Variants in C8orf74 observed in about 807,000 individuals in gnomAD.
The protein encoded by C8orf74 is uncharacterized protein C8orf74.
In C8orf74, 29 loss-of-function variants were observed where a neutral mutation model predicts 22.2. The observed-to-expected ratio is 1.31, with a 90% CI of 0.97 to 1.78. The LOEUF is 1.78. Ranked by LOEUF, C8orf74 falls within the 40% of genes most tolerant of loss-of-function variation. The pLI is 0.00. For missense variants in C8orf74, 515 were observed against 369.9 expected (o/e 1.39, Z -3.22); for synonymous variants, 255 against 163.1 (o/e 1.56, Z -4.30).
At chr8:10,684,067 G>A (rs1220610498) in intron 2 of C8orf74, among the ~76,000 whole-genome samples, 1 of 152,174 alleles carries the variant, frequency 6.6e-6, no homozygotes, top group Non-Finnish European at 1.5e-5. Flanking sequence ...GGAGGACCAG[G>A]GAAGGGGATG....
At chr8:10,680,483 C>T (rs893585751) in intron 2 of C8orf74, among the ~76,000 whole-genome samples, 1 of 152,206 alleles carries the variant, frequency 6.6e-6, no homozygotes, top group Non-Finnish European at 1.5e-5. Flanking sequence ...ATGTCCAAGA[C>T]TCATCAAACA....
chr8:10,683,725 A>G (rs560117543), intron 2 of C8orf74, among the ~76,000 whole-genome samples: 14 of 152,304 alleles, frequency 9.2e-5, no homozygotes, highest in African/African-American at 3.1e-4. Flanking sequence ...CCCAGAGGTC[A>G]CTGGATCCAA....
At chr8:10,685,843 G>C (rs571051437) in intron 2 of C8orf74, among the ~76,000 whole-genome samples, 1 of 152,232 alleles carries the variant, frequency 6.6e-6, no homozygotes, top group African/African-American at 2.4e-5. Context: ...GCTGAGGCAG[G>C]TGGATCACGA....
intron 2 of C8orf74, chr8:10,690,980 G>A (rs1006382960): frequency 1.5e-5 from 7 of 453,902 alleles, no homozygotes; most frequent in Non-Finnish European, 2.2e-5. Context: ...AGATCTGTCC[G>A]CCCGGCAGCC....
At chr8:10,689,265 C>T (rs1799324878) in intron 2 of C8orf74, 1 of 152,224 alleles carries the variant, frequency 6.6e-6, no homozygotes, top group Non-Finnish European at 1.5e-5. Context: ...CAAGTCTCAT[C>T]CTTTTTCTGG....
chr8:10,682,647 C>G (rs1020593350), intron 2 of C8orf74, among the ~76,000 whole-genome samples: 5 of 152,176 alleles, frequency 3.3e-5, no homozygotes, highest in East Asian at 3.9e-4. Flanking sequence ...CTATAAAGAC[C>G]CTCTTTCCAA....
rs929882985 is a variant in C8orf74, at chr8:10,697,744, G to A, written c.387G>A (p.Leu129=). 1.1e-5 allele frequency: 18 copies of A among 1,613,926 alleles called. 1 individual carries two copies. Among genetic ancestry groups the A allele is most frequent in the South Asian group, 3.3e-5 (3 of 91,092 alleles). ...ACTACAAACTCTACCAGTATGTCCT[G>A]GGCCAGGACCAGCAGGTCGACCTGA... ...IRHYKLYQYV[L]GQDQQVDLTV... is the part of the protein sequence containing the mutation. Residue 129 remains leucine, a synonymous_variant, in exon 3 of 4, where the codon CTG becomes CTA. Coordinates refer to ENST00000304519, the MANE Select transcript of C8orf74 (RefSeq NM_001040032.2).
chr8:10,674,852 A>G lies in C8orf74; in HGVS notation c.241+14A>G. 6.3e-7 allele frequency: 1 copy of G among 1,575,136 alleles called. No homozygotes were observed. Among genetic ancestry groups the G allele is most frequent in the South Asian group, 1.2e-5 (1 of 85,626 alleles). ...GGGAAACCAAAGGTATGGTGTGTCC[A>G]GGGCAGGAGTCAGCAGAGGCTGGCG... On this transcript the variant is annotated intron_variant, in intron 2 of 3. Transcript: ENST00000304519.
intron 2 of C8orf74, among the ~76,000 whole-genome samples, chr8:10,676,052 G>A (rs1446979464): frequency 1.3e-5 from 2 of 152,166 alleles, no homozygotes; most frequent in Non-Finnish European, 2.9e-5. Context: ...GGAGATACAC[G>A]TGAAAGGATG....
At chr8:10,697,112 C>T (rs1176291266) in intron 2 of C8orf74, among the ~76,000 whole-genome samples, 3 of 152,030 alleles carry the variant, frequency 2.0e-5, no homozygotes, top group African/African-American at 4.8e-5. Flanking sequence ...GTGGTACACT[C>T]GATACCTTTC....
chr8:10,683,269 G>A (rs753902453), intron 2 of C8orf74, among the ~76,000 whole-genome samples: 6 of 152,244 alleles, frequency 3.9e-5, no homozygotes, highest in Admixed American at 1.3e-4. Context: ...AGGATGGTAC[G>A]TGGCCCAGGC....
At chr8:10,681,856 G>A (rs577116651) in intron 2 of C8orf74, among the ~76,000 whole-genome samples, 13 of 152,292 alleles carry the variant, frequency 8.5e-5, no homozygotes, top group East Asian at 1.9e-4. Context: ...GGTGAAGAGC[G>A]TCATGGTCCT....
At chr8:10,694,943 C>G (rs59455190) in intron 2 of C8orf74, among the ~76,000 whole-genome samples, 25,353 of 150,104 alleles carry the variant, frequency 0.17, 6,180 homozygotes, top group African/African-American at 0.54. Flanking sequence ...TGGTTGGGTG[C>G]ATAGATGGGT....
intron 2 of C8orf74, among the ~76,000 whole-genome samples, chr8:10,678,697 C>A (rs1489233503): frequency 6.6e-6 from 1 of 152,146 alleles, no homozygotes. Flanking sequence ...GTGACTGACC[C>A]ACCAGGAGAG....
intron 2 of C8orf74, among the ~76,000 whole-genome samples, chr8:10,688,065 C>G (rs552091280): frequency 3.0e-4 from 46 of 152,006 alleles, no homozygotes; most frequent in African/African-American, 1.0e-3. Context: ...ATTAGCCAGG[C>G]GTGGTAGTGT....
chr8:10,673,235 G>A (rs1171218976), intron 1 of C8orf74, among the ~76,000 whole-genome samples: 1 of 152,112 alleles, frequency 6.6e-6, no homozygotes, highest in Non-Finnish European at 1.5e-5. Context: ...TGCGTGTGGT[G>A]GGTGGGTCTC....
chr8:10,693,913 C>G (rs1799435989), intron 2 of C8orf74, among the ~76,000 whole-genome samples: 1 of 152,248 alleles, frequency 6.6e-6, no homozygotes, highest in South Asian at 2.1e-4. Flanking sequence ...CCTCTCCATG[C>G]AGCTCTTGCC....
chr8:10,697,056 G>C (rs1317445130), intron 2 of C8orf74, among the ~76,000 whole-genome samples: 4 of 151,752 alleles, frequency 2.6e-5, no homozygotes, highest in Admixed American at 6.6e-5. Context: ...AATCATATAA[G>C]AAATAAATGG....
chr8:10,674,715 C>A lies in C8orf74; in HGVS notation c.118C>A (p.Arg40=). 1 of 1,608,754 alleles carries A rather than the reference C, an allele frequency of 6.2e-7. No homozygotes were observed. Among genetic ancestry groups the A allele is most frequent in the Non-Finnish European group, 8.5e-7 (1 of 1,177,654 alleles). Residue 40 remains arginine (R), a synonymous_variant, in exon 2 of 4, where the codon CGG becomes AGG. Coordinates refer to ENST00000304519, the MANE Select transcript of C8orf74 (RefSeq NM_001040032.2). ...GGAGTTTGACGAACAGAGAGACTCC[C>A]GGAGGAGCATCCTGCTGGACACCCT... ...WEEFDEQRDS[R]RSILLDTLYE...
Sources: gnomAD v4.1 joint callset for allele counts (sites outside exome capture counted in the v4.1 genomes callset) on GRCh38, gnomAD v4.1.1 for gene constraint, MANE v1.5 for transcripts, NCBI Gene and HGNC (gene_info 2026-07-23, HGNC 2026-07-21) for gene names.